The following NMU variants were observed in gnomAD, a reference collection of about 807,000 sequenced individuals.
The protein encoded by NMU is neuromedin U.
A neutral mutation model predicts 35.4 loss-of-function variants in NMU; 29 were observed. The ratio of observed to expected loss-of-function variants is 0.82; its 90% confidence interval spans 0.61 to 1.12. NMU has a LOEUF of 1.12. Ranked by LOEUF, NMU falls within the 50% of genes most tolerant of loss-of-function variation. NMU has a pLI of 0.00. For missense variants in NMU, 199 were observed against 206.2 expected (o/e 0.97, Z 0.21); for synonymous variants, 78 against 81.3 (o/e 0.96, Z 0.22).
intron 6 of NMU, among the ~76,000 whole-genome samples, chr4:55,606,243 C>A (rs946417468): frequency 2.6e-5 from 4 of 152,142 alleles, no homozygotes; most frequent in Admixed American, 6.5e-5. Context: ...TAAATTGGTT[C>A]ATGGAAGTGA....
At chr4:55,631,238 A>G (rs1734741977) in intron 1 of NMU, among the ~76,000 whole-genome samples, 1 of 152,132 alleles carries the variant, frequency 6.6e-6, no homozygotes, top group Admixed American at 6.5e-5. Flanking sequence ...GGTCCATTGG[A>G]AAAACTCTTT....
At position 55,636,068 on chromosome 4, in the gene NMU, G is replaced by C. The variant is rs770167116; in HGVS notation, c.112+13C>G. 1 of 1,531,086 alleles carries C rather than the reference G, an allele frequency of 6.5e-7. No homozygotes were observed. The highest frequency in any genetic ancestry group is 8.7e-7 in the Non-Finnish European group (1 of 1,145,404). The allele number at this position is 1,531,086 out of a possible 1,614,324, so 94.8% of individuals were successfully genotyped here. On this transcript the variant is annotated intron_variant, in intron 1 of 9. Transcript: ENST00000264218. The surrounding 1 kb of genome is among the most constrained non-coding windows in gnomAD (Gnocchi z 4.0). ...GCATGGCGTGGAAGCGGCCGGGTGC[G>C]GGGCCGTCTTACCTCGGCAGGCGCC...
At chr4:55,619,817 T>A (rs1221777548) in intron 2 of NMU, among the ~76,000 whole-genome samples, 2 of 145,460 alleles carry the variant, frequency 1.4e-5, no homozygotes, top group African/African-American at 5.0e-5. Context: ...GCTGGAGATC[T>A]GAGAACTGGC....
chr4:55,632,094 G>A (rs1362749069), intron 1 of NMU, among the ~76,000 whole-genome samples: 1 of 152,166 alleles, frequency 6.6e-6, no homozygotes, highest in Non-Finnish European at 1.5e-5. Context: ...ACTTATAAGT[G>A]GGAGCTAAGC....
chr4:55,628,585 G>A (rs747596985), intron 2 of NMU, among the ~76,000 whole-genome samples: 13 of 151,900 alleles, frequency 8.6e-5, no homozygotes, highest in Non-Finnish European at 1.5e-4. Context: ...TGCAACCTCC[G>A]CTTCCCAGGC....
At chr4:55,603,122 C>T (rs1340755139) in intron 7 of NMU, among the ~76,000 whole-genome samples, 2 of 152,060 alleles carry the variant, frequency 1.3e-5, no homozygotes, top group Admixed American at 6.6e-5. Flanking sequence ...CTCAGCCTGC[C>T]AAATAGCTGG....
At chr4:55,609,071 A>C (rs759021323) in intron 4 of NMU, 49 bp downstream of exon 4, 8 of 1,507,020 alleles carry the variant, frequency 5.3e-6, no homozygotes, top group Non-Finnish European at 7.4e-6. Context: ...AATTCCAAGA[A>C]ATTTTTGGAT....
intron 1 of NMU, among the ~76,000 whole-genome samples, chr4:55,634,339 A>C (rs929075038): frequency 6.6e-6 from 1 of 152,214 alleles, no homozygotes; most frequent in Non-Finnish European, 1.5e-5. Flanking sequence ...ATGAAGACAC[A>C]AAAGGGCAAT....
intron 8 of NMU, 52 bp downstream of exon 8, chr4:55,600,470 A>T: frequency 8.5e-7 from 1 of 1,180,548 alleles, no homozygotes; most frequent in Non-Finnish European, 1.3e-6. Context: ...CAGGGAACAT[A>T]TTTTTAAATT....
chr4:55,608,039 G>A (rs1733767301), intron 4 of NMU, among the ~76,000 whole-genome samples: 3 of 152,050 alleles, frequency 2.0e-5, no homozygotes, highest in Admixed American at 2.0e-4. Flanking sequence ...CAGGCCTGGT[G>A]GGGCGAGCGC....
At chr4:55,615,076 T>A (rs1734064678) in intron 3 of NMU, among the ~76,000 whole-genome samples, 1 of 152,070 alleles carries the variant, frequency 6.6e-6, no homozygotes, top group African/African-American at 2.4e-5. Flanking sequence ...TCGGCCAAAC[T>A]ATGTAGGGAG....
At chr4:55,626,130 TC>T (rs1426979236) in intron 2 of NMU, among the ~76,000 whole-genome samples, 1 of 152,218 alleles carries the variant, frequency 6.6e-6, no homozygotes, top group Non-Finnish European at 1.5e-5. Flanking sequence ...AGACCCCACA[TC>T]CTTGTTAACA....
intron 2 of NMU, among the ~76,000 whole-genome samples, chr4:55,626,888 C>T (rs962713126): frequency 6.6e-6 from 1 of 152,188 alleles, no homozygotes; most frequent in Non-Finnish European, 1.5e-5. Flanking sequence ...AGAAGTTTTT[C>T]CCTGCTCCTA....
At chr4:55,624,911 C>T (rs1734453693) in intron 2 of NMU, among the ~76,000 whole-genome samples, 1 of 40,136 alleles carries the variant, frequency 2.5e-5, no homozygotes, top group South Asian at 1.4e-3. Context: ...AGTAAACTAT[C>T]GCAAGAACAA....
chr4:55,600,432 C>T (rs1733376125), intron 8 of NMU, 90 bp downstream of exon 8: 1 of 882,678 alleles, frequency 1.1e-6, no homozygotes, highest in Non-Finnish European at 1.9e-6. Context: ...AACTTTAAAA[C>T]TTAATTGAAA....
intron 7 of NMU, among the ~76,000 whole-genome samples, chr4:55,603,201 G>C (rs769856421): frequency 1.3e-5 from 2 of 151,772 alleles, no homozygotes; most frequent in African/African-American, 2.4e-5. Flanking sequence ...TAGTAGAGAC[G>C]GGATTTCATC....
chr4:55,634,036 T>G (rs1389590459), intron 1 of NMU, among the ~76,000 whole-genome samples: 1 of 152,160 alleles, frequency 6.6e-6, no homozygotes, highest in Non-Finnish European at 1.5e-5. Flanking sequence ...TAATTGTTTT[T>G]TGTTTGTTTG....
intron 7 of NMU, 135 bp downstream of exon 7, chr4:55,605,140 T>C: frequency 1.4e-6 from 1 of 738,028 alleles, no homozygotes. Context: ...ACAGATGCTC[T>C]TACATTGGCT....
chr4:55,635,374 A>T (rs1046413556), intron 1 of NMU, among the ~76,000 whole-genome samples: 2 of 152,138 alleles, frequency 1.3e-5, no homozygotes, highest in Non-Finnish European at 2.9e-5. Flanking sequence ...GCATGTCCCT[A>T]TTGTTATCAA....
Sources: allele counts gnomAD v4.1 joint callset (sites outside exome capture counted in the v4.1 genomes callset), GRCh38; gene constraint gnomAD v4.1.1; non-coding constraint Gnocchi (gnomAD v3.1); transcripts MANE v1.5; gene names NCBI Gene and HGNC (gene_info 2026-07-23, HGNC 2026-07-21).